BMPR2: variants seen among roughly 807,000 people sequenced by gnomAD.
The protein encoded by BMPR2 is bone morphogenetic protein receptor type-2.
BMPR2 carries 29 observed loss-of-function variants against 100.8 expected under a neutral mutation model. The ratio of observed to expected loss-of-function variants is 0.29; its 90% CI spans 0.21 to 0.39. The LOEUF (loss-of-function observed/expected upper bound fraction) is 0.39, where lower values mean the gene tolerates loss of function less well. Among genes scored for constraint, BMPR2 ranks in the 10% least tolerant of loss-of-function variants. The probability of loss-of-function intolerance (pLI) is 1.00; values close to 1 mark genes in which losing one functional copy is unlikely to be tolerated. For synonymous variants in BMPR2, 382 were observed against 442.3 expected (o/e 0.86, Z 1.71); for missense variants, 1,011 against 1,274.5 (o/e 0.79, Z 3.15).
At chr2:202,552,044 G>T (rs1029373884) in intron 10 of BMPR2, among the ~76,000 whole-genome samples, 1 of 152,060 alleles carries the variant, frequency 6.6e-6, no homozygotes, top group Admixed American at 6.6e-5. Context: ...TAGTAGAGAC[G>T]AGGTTTCACT....
At chr2:202,440,708 A>G (rs1313008195) in intron 1 of BMPR2, among the ~76,000 whole-genome samples, 1 of 150,416 alleles carries the variant, frequency 6.6e-6, no homozygotes, top group Non-Finnish European at 1.5e-5. Flanking sequence ...AGGCAGGAGA[A>G]TTCAGGCAGG....
chr2:202,507,709 T>G (rs1429309631), intron 3 of BMPR2, among the ~76,000 whole-genome samples: 1 of 151,756 alleles, frequency 6.6e-6, no homozygotes, highest in Non-Finnish European at 1.5e-5. Context: ...CTTTTTTTTT[T>G]TTTTCCTGAG....
At chr2:202,442,437 T>A (rs1691767841) in intron 1 of BMPR2, among the ~76,000 whole-genome samples, 1 of 150,602 alleles carries the variant, frequency 6.6e-6, no homozygotes, top group Admixed American at 6.6e-5. Context: ...TTTCTTTTTT[T>A]TTAAACTATG....
intron 12 of BMPR2, among the ~76,000 whole-genome samples, chr2:202,558,626 G>A (rs2105714992): frequency 1.3e-5 from 2 of 152,202 alleles, no homozygotes; most frequent in East Asian, 3.9e-4. Context: ...AGGCATGGTG[G>A]CTTACGCCTG....
chr2:202,466,338 G>A (rs977422738), intron 2 of BMPR2, among the ~76,000 whole-genome samples: 4 of 152,066 alleles, frequency 2.6e-5, no homozygotes, highest in Non-Finnish European at 5.9e-5. Context: ...CCAGGCTGGA[G>A]TGCAATGGTG....
intron 3 of BMPR2, among the ~76,000 whole-genome samples, chr2:202,474,545 G>C (rs1414960931): frequency 6.6e-6 from 1 of 152,086 alleles, no homozygotes; most frequent in Non-Finnish European, 1.5e-5. Context: ...TTTTGAGGCG[G>C]AGTCTCGCTC....
chr2:202,526,372 C>A (rs970880072), intron 7 of BMPR2, among the ~76,000 whole-genome samples: 1 of 152,166 alleles, frequency 6.6e-6, no homozygotes, highest in Non-Finnish European at 1.5e-5. Context: ...TTTAATATAT[C>A]AGTTTTCTTA....
chr2:202,482,834 C>T (rs375818836), intron 3 of BMPR2, among the ~76,000 whole-genome samples: 2 of 152,096 alleles, frequency 1.3e-5, no homozygotes, highest in East Asian at 1.9e-4. Flanking sequence ...CCACCACACC[C>T]GGCTGCTACC....
At position 202,555,720 on chromosome 2, in the gene BMPR2, C is replaced by T; in HGVS notation, c.2055C>T (p.Leu685=). The change falls in exon 12 of 13, where the codon CTC becomes CTT. Residue 685 remains leucine, a synonymous_variant. Coordinates refer to ENST00000374580, the MANE Select transcript of BMPR2 (RefSeq NM_001204.7). ...TCAAGGAAAGCTCTGATGAGAATCT[C>T]ATGGAGCACTCTCTTAAACAGTTCA... The part of the protein sequence containing the change: ...KNLKESSDEN[L]MEHSLKQFSG... 6.2e-7 allele frequency: 1 copy of T among 1,614,164 alleles called. No individual in the cohort carries two copies. The highest frequency in any genetic ancestry group is 8.5e-7 in the Non-Finnish European group (1 of 1,180,036).
At chr2:202,512,287 T>C (rs1183478393) in intron 3 of BMPR2, among the ~76,000 whole-genome samples, 1 of 152,186 alleles carries the variant, frequency 6.6e-6, no homozygotes, top group Non-Finnish European at 1.5e-5. Context: ...ATATAAAGAA[T>C]GAATAAAGAT....
intron 1 of BMPR2, among the ~76,000 whole-genome samples, chr2:202,444,507 G>T (rs1691812298): frequency 6.6e-6 from 1 of 150,394 alleles, no homozygotes; most frequent in Admixed American, 6.6e-5. Flanking sequence ...TTTTTGTGTT[G>T]GTGTTGGTGT....
intron 1 of BMPR2, among the ~76,000 whole-genome samples, chr2:202,458,308 A>AAAAAAC (rs1692163156): frequency 7.3e-6 from 1 of 136,592 alleles, no homozygotes; most frequent in South Asian, 2.3e-4. Context: ...AAAAAAAAAA[A>AAAAAAC]CGCACACAAA....
chr2:202,427,080 G>A (rs896492207), intron 1 of BMPR2, among the ~76,000 whole-genome samples: 4 of 152,208 alleles, frequency 2.6e-5, no homozygotes, highest in African/African-American at 9.6e-5. Context: ...GCTTGGCGAG[G>A]TGTTTCACAC....
At chr2:202,407,279 A>G (rs1260823762) in intron 1 of BMPR2, among the ~76,000 whole-genome samples, 1 of 150,940 alleles carries the variant, frequency 6.6e-6, no homozygotes, top group Admixed American at 6.6e-5. Flanking sequence ...GGACTTTGCC[A>G]TGTTGCTCAG....
chr2:202,484,237 AAC>A (rs1158303624), intron 3 of BMPR2, among the ~76,000 whole-genome samples: 1 of 152,226 alleles, frequency 6.6e-6, no homozygotes, highest in Non-Finnish European at 1.5e-5. Flanking sequence ...AGATATTCTA[AAC>A]ACATCACTTT....
At chr2:202,552,592 T>C in intron 10 of BMPR2, 124 bp from the exon 11 acceptor site, 2 of 963,834 alleles carry the variant, frequency 2.1e-6, no homozygotes, top group Non-Finnish European at 3.2e-6. Flanking sequence ...AAATATGTTA[T>C]TAGAGCTATG....
chr2:202,530,763 CA>C, intron 7 of BMPR2, 30 bp from the exon 8 acceptor site: 1 of 1,558,386 alleles, frequency 6.4e-7, no homozygotes. Context: ...CCCTTTTATT[CA>C]TTGATAAATA....
At chr2:202,500,228 C>T (rs1041766537) in intron 3 of BMPR2, among the ~76,000 whole-genome samples, 7 of 152,210 alleles carry the variant, frequency 4.6e-5, no homozygotes, top group Admixed American at 3.3e-4. Flanking sequence ...CTGTCCTGGA[C>T]GACTGTCCTC....
chr2:202,517,394 C>G (rs369639844), intron 5 of BMPR2, among the ~76,000 whole-genome samples: 11 of 148,066 alleles, frequency 7.4e-5, no homozygotes, highest in African/African-American at 2.2e-4. Flanking sequence ...GGTCTGGGGT[C>G]ACCGCAACCT....
Sources: allele counts gnomAD v4.1 joint callset (sites outside exome capture counted in the v4.1 genomes callset), GRCh38; gene constraint gnomAD v4.1.1; transcripts MANE v1.5; gene names NCBI Gene and HGNC (gene_info 2026-07-23, HGNC 2026-07-21).